HORMAD2: variants seen among roughly 807,000 people sequenced by gnomAD.
The protein encoded by HORMAD2 is HORMA domain-containing protein 2.
HORMAD2 carries 45 observed loss-of-function variants against 38.8 expected under a neutral mutation model. The observed-to-expected ratio is 1.16, with a 90% CI of 0.91 to 1.49. HORMAD2 has a LOEUF of 1.49. Among genes scored for constraint, HORMAD2 ranks in the 40% most tolerant of loss-of-function variants. The pLI, the probability that HORMAD2 is intolerant of heterozygous loss-of-function variation, is 0.00. For synonymous variants in HORMAD2, 126 were observed against 122.8 expected, an observed-to-expected ratio of 1.03 and a Z score of -0.17; for missense variants, 338 against 367.0, an observed-to-expected ratio of 0.92 and a Z score of 0.65.
intron 10 of HORMAD2, among the ~76,000 whole-genome samples, chr22:30,147,984 C>T (rs949589988): frequency 2.0e-5 from 3 of 152,096 alleles, no homozygotes; most frequent in African/African-American, 4.8e-5. Flanking sequence ...AATTTTCACT[C>T]CTAGGTATTT....
the HORMAD2 span, among the ~76,000 whole-genome samples, chr22:30,197,812 C>T: frequency 6.6e-6 from 1 of 151,990 alleles, no homozygotes; most frequent in East Asian, 1.9e-4. Context: ...CACATGTAGA[C>T]CTAGAGATTA....
chr22:30,093,639 A>G (rs903125269), intron 1 of HORMAD2, among the ~76,000 whole-genome samples: 1 of 152,166 alleles, frequency 6.6e-6, no homozygotes, highest in African/African-American at 2.4e-5. Flanking sequence ...TCCTTTGGAA[A>G]ATTAACAATA....
intron 1 of HORMAD2, among the ~76,000 whole-genome samples, chr22:30,083,079 G>T (rs2068513168): frequency 6.6e-6 from 1 of 152,062 alleles, no homozygotes; most frequent in Non-Finnish European, 1.5e-5. Context: ...AACCAGCCTG[G>T]GTAACATAGT....
chr22:30,129,217 CAAA>C (rs750796623), intron 10 of HORMAD2, among the ~76,000 whole-genome samples: 9 of 22,644 alleles, frequency 4.0e-4, no homozygotes, highest in Non-Finnish European at 7.8e-4. Context: ...GACTCTATCT[CAAA>C]AAAAAAAAAA....
the HORMAD2 span, among the ~76,000 whole-genome samples, chr22:30,185,310 G>T: frequency 6.6e-6 from 1 of 152,200 alleles, no homozygotes; most frequent in Non-Finnish European, 1.5e-5. Flanking sequence ...AGCGAGCTTC[G>T]TCGGAACCTA....
At chr22:30,146,490 T>C (rs1294674028) in intron 10 of HORMAD2, among the ~76,000 whole-genome samples, 1 of 151,776 alleles carries the variant, frequency 6.6e-6, no homozygotes, top group Non-Finnish European at 1.5e-5. Context: ...CAAGACTCTG[T>C]CTCAAAAAAA....
chr22:30,198,699 C>T, the HORMAD2 span, among the ~76,000 whole-genome samples: 1 of 152,168 alleles, frequency 6.6e-6, no homozygotes, highest in Non-Finnish European at 1.5e-5. Flanking sequence ...TCCTCATCCT[C>T]GCTTCACCCC....
At chr22:30,187,214 T>C in the HORMAD2 span, among the ~76,000 whole-genome samples, 1 of 152,228 alleles carries the variant, frequency 6.6e-6, no homozygotes, top group African/African-American at 2.4e-5. Flanking sequence ...AACCATGTCA[T>C]ACATATTAAC....
At chr22:30,177,664 G>T (rs1252075166), downstream of HORMAD2, among the ~76,000 whole-genome samples, 1 of 149,938 alleles carries the variant, frequency 6.7e-6, no homozygotes, top group Non-Finnish European at 1.5e-5. Context: ...CAGAGAGAAG[G>T]TCTAAGAGCA....
intron 5 of HORMAD2, among the ~76,000 whole-genome samples, chr22:30,108,015 C>T (rs770260535): frequency 6.6e-6 from 1 of 151,394 alleles, no homozygotes; most frequent in South Asian, 2.1e-4. Flanking sequence ...ACTACAGGCA[C>T]GTGCCACCAT....
intron 5 of HORMAD2, among the ~76,000 whole-genome samples, chr22:30,110,883 G>A (rs1921583730): frequency 1.3e-5 from 2 of 151,846 alleles, no homozygotes; most frequent in South Asian, 2.1e-4. Context: ...ACGGGGCCAG[G>A]GCAGTGGTTC....
At chr22:30,130,543 GC>G (rs1569102923) in intron 10 of HORMAD2, among the ~76,000 whole-genome samples, 1 of 148,560 alleles carries the variant, frequency 6.7e-6, no homozygotes, top group Admixed American at 6.7e-5. Flanking sequence ...CATTTAATCT[GC>G]CCCCCACACA....
At chr22:30,120,955 G>T (rs1009206461) in intron 8 of HORMAD2, among the ~76,000 whole-genome samples, 4 of 143,740 alleles carry the variant, frequency 2.8e-5, no homozygotes, top group Non-Finnish European at 6.3e-5. Flanking sequence ...GAAAGGAATT[G>T]TATACACACT....
At chr22:30,162,345 ACACACG>A (rs1383126124) in intron 10 of HORMAD2, among the ~76,000 whole-genome samples, 7 of 133,768 alleles carry the variant, frequency 5.2e-5, no homozygotes, top group African/African-American at 1.4e-4. Flanking sequence ...ACACACACAC[ACACACG>A]ATATGTTGTT....
intron 10 of HORMAD2, among the ~76,000 whole-genome samples, chr22:30,156,813 G>A (rs186124687): frequency 2.6e-4 from 40 of 152,270 alleles, no homozygotes; most frequent in African/African-American, 8.7e-4. Context: ...GAGTCAGGGC[G>A]TTGTCATCAA....
chr22:30,084,370 C>A (rs1268415824), intron 1 of HORMAD2, among the ~76,000 whole-genome samples: 4 of 152,106 alleles, frequency 2.6e-5, no homozygotes, highest in African/African-American at 9.7e-5. Flanking sequence ...TGATAATGAA[C>A]CTGCTCCTGG....
At chr22:30,198,779 C>G in the HORMAD2 span, among the ~76,000 whole-genome samples, 7 of 152,036 alleles carry the variant, frequency 4.6e-5, no homozygotes, top group African/African-American at 1.4e-4. Flanking sequence ...CTAAAATGGC[C>G]TCAGGTATAA....
At chr22:30,103,108 A>G (rs1368044152) in intron 3 of HORMAD2, among the ~76,000 whole-genome samples, 2 of 152,190 alleles carry the variant, frequency 1.3e-5, no homozygotes, top group African/African-American at 2.4e-5. Flanking sequence ...AAGTTGGTCA[A>G]TGGAGATAGT....
At chr22:30,162,701 CTTT>C (rs750684089) in intron 10 of HORMAD2, among the ~76,000 whole-genome samples, 3 of 124,164 alleles carry the variant, frequency 2.4e-5, no homozygotes, top group Non-Finnish European at 1.7e-5. Context: ...TTGTGGACAT[CTTT>C]TTTTTTTTTT....
Sources: allele counts gnomAD v4.1 joint callset (sites outside exome capture counted in the v4.1 genomes callset), GRCh38; gene constraint gnomAD v4.1.1; transcripts MANE v1.5; gene names NCBI Gene and HGNC (gene_info 2026-07-23, HGNC 2026-07-21).